The following POM121 variants were observed in gnomAD, a reference collection of about 807,000 sequenced individuals.
The protein encoded by POM121 is nuclear envelope pore membrane protein POM 121.
A neutral mutation model predicts 81.3 loss-of-function variants in POM121; 32 were observed. The observed-to-expected ratio is 0.39, with a 90% CI of 0.30 to 0.53. The LOEUF (loss-of-function observed/expected upper bound fraction) is 0.53, where lower values mean the gene tolerates loss of function less well. Among genes scored for constraint, POM121 ranks in the 20% least tolerant of loss-of-function variants. The pLI is 0.66. For missense variants in POM121, 1,138 were observed against 1,614.6 expected (o/e 0.70, Z 5.06); for synonymous variants, 514 against 694.2 (o/e 0.74, Z 4.08).
intron 1 of POM121, among the ~76,000 whole-genome samples, chr7:72,887,125 C>A (rs1485113529): frequency 6.6e-6 from 1 of 152,130 alleles, no homozygotes; most frequent in African/African-American, 2.4e-5. Context: ...TCTTTATATT[C>A]ACTAATCTCT....
chr7:72,928,405 G>A lies in POM121; in HGVS notation c.1043G>A (p.Ser348Asn). 1 of 1,614,250 alleles carries A rather than the reference G, an allele frequency of 6.2e-7. No individual in the cohort carries two copies. The change falls in exon 4 of 13, where the codon AGT becomes AAT. Residue 348 changes from serine (S) to asparagine (N), a missense_variant. Physicochemically the swap from Ser to Asn is conservative, Grantham distance 46. This residue lies in a region of POM121 where 646 missense variants were observed against 633.5 expected (regional missense o/e 1.02). Coordinates refer to ENST00000434423, the MANE Select transcript of POM121 (RefSeq NM_001387691.1). ...CGCAGGCGCCATGATAGCAGTGGCA[G>A]TGGACATTCAGCATTTGAGCCCCTG... ...NKRRRHDSSG[S>N]GHSAFEPLVA...
chr7:72,938,362 A>G (rs1216440032), intron 5 of POM121, among the ~76,000 whole-genome samples: 1 of 150,850 alleles, frequency 6.6e-6, no homozygotes, highest in Non-Finnish European at 1.5e-5. Flanking sequence ...CTGATTTTTC[A>G]GTTTTTTTGT....
intron 2 of POM121, 48 bp from the exon 3 acceptor site, chr7:72,926,754 C>T: frequency 6.2e-7 from 1 of 1,600,096 alleles, no homozygotes; most frequent in East Asian, 2.2e-5. Context: ...TGCTATATGG[C>T]ATGGGAATTA....
intron 1 of POM121, among the ~76,000 whole-genome samples, chr7:72,889,016 T>C (rs1791032431): frequency 6.6e-6 from 1 of 152,206 alleles, no homozygotes; most frequent in African/African-American, 2.4e-5. Flanking sequence ...TTGTCTGTTG[T>C]ATATTATGTT....
intron 1 of POM121, among the ~76,000 whole-genome samples, chr7:72,880,610 G>C (rs531085038): frequency 6.6e-6 from 1 of 151,992 alleles, no homozygotes; most frequent in Non-Finnish European, 1.5e-5. Flanking sequence ...AAATGCGGGC[G>C]GGATGCAGTG....
intron 5 of POM121, among the ~76,000 whole-genome samples, chr7:72,933,042 ACT>A (rs1796172844): frequency 6.9e-6 from 1 of 145,048 alleles, no homozygotes; most frequent in Admixed American, 7.1e-5. Flanking sequence ...ACAGAGTGAG[ACT>A]CTGTCTCAAA....
In POM121 at chr7:72,945,662, G is replaced by T; in HGVS notation, c.3606G>T (p.Gly1202=). The T allele has an allele frequency of 6.2e-7, 1 of 1,612,826 alleles. No homozygotes were observed. The highest frequency in any genetic ancestry group is 8.5e-7 in the Non-Finnish European group (1 of 1,179,338). ...VGTSGSSLSF[G]ASSAPAQGFV... ...CATCAGGCAGCAGCCTCTCCTTTGG[G>T]GCATCCTCAGCACCCGCCCAAGGCT... is the stretch of plus-strand genomic sequence containing the variant. Residue 1202 remains glycine (G), a synonymous_variant, in exon 12 of 13, where the codon GGG becomes GGT. Transcript: ENST00000434423.
upstream of POM121, chr7:72,925,051 C>T (rs1795219427): frequency 1.5e-6 from 2 of 1,350,432 alleles, no homozygotes; most frequent in African/African-American, 1.5e-5. Context: ...ACGTAGAGGG[C>T]GCGCGATGAC....
At chr7:72,920,644 G>C (rs1248610542), upstream of POM121, among the ~76,000 whole-genome samples, 1 of 150,204 alleles carries the variant, frequency 6.7e-6, no homozygotes, top group African/African-American at 2.4e-5. Context: ...GTGAGCCACC[G>C]TGCCCAGCCA....
chr7:72,923,388 G>A (rs1433753045), upstream of POM121, among the ~76,000 whole-genome samples: 2 of 152,004 alleles, frequency 1.3e-5, no homozygotes, highest in Admixed American at 1.3e-4. Flanking sequence ...CTCAGCTCCA[G>A]GAGCACTTCC....
rs1365869094 is a variant in POM121, at chr7:72,928,311, G to GAAA, written c.1023-73_1023-71dup. The stretch of plus-strand genomic sequence containing the variant: ...TCCATAGAGATAGTATAAGGTCCCA[G>GAAA]AAATATGAGAATACACTTTAAAGGG... On this transcript the variant is annotated intron_variant, in intron 3 of 12. Transcript: ENST00000434423. The GAAA allele has an allele frequency of 3.8e-6, 6 of 1,576,632 alleles. No homozygotes were observed. In the African/African-American group the frequency reaches 6.8e-5, roughly 18 times the overall value.
chr7:72,912,904 A>G (rs1184740995), intron 3 of POM121, among the ~76,000 whole-genome samples: 3 of 152,164 alleles, frequency 2.0e-5, no homozygotes, highest in African/African-American at 7.2e-5. Flanking sequence ...TCAGTGGTAC[A>G]TGCCTACAGC....
At chr7:72,883,100 C>T (rs1326275825) in intron 1 of POM121, among the ~76,000 whole-genome samples, 16 of 152,112 alleles carry the variant, frequency 1.1e-4, no homozygotes, top group African/African-American at 3.6e-4. Flanking sequence ...AATGTAGAGA[C>T]GTGATCACAA....
chr7:72,896,897 CTT>C (rs1792015982), intron 3 of POM121, among the ~76,000 whole-genome samples: 1 of 152,294 alleles, frequency 6.6e-6, no homozygotes, highest in Non-Finnish European at 1.5e-5. Context: ...TAATTATACA[CTT>C]TATTGCAGGA....
In POM121 at chr7:72,925,547, C is replaced by A; in HGVS notation, c.426C>A (p.Gly142=). 2 of 1,532,590 alleles carry A rather than the reference C, an allele frequency of 1.3e-6. No individual in the cohort carries two copies. Among genetic ancestry groups the A allele is most frequent in the Non-Finnish European group, 1.7e-6 (2 of 1,146,114 alleles). The allele number at this position is 1,532,590 out of a possible 1,614,324, so 94.9% of individuals were successfully genotyped here. ...AELLLMGSYL[G]KPGPPQPAAA... is the part of the protein sequence containing the mutation. ...TGCTACTCATGGGCAGTTACCTGGG[C>A]AAGCCCGGGCCGCCGCAGCCCGCCG... Residue 142 remains glycine, a synonymous_variant, in exon 1 of 13, where the codon GGC becomes GGA. Transcript: ENST00000434423.
rs1309207895 is a variant in POM121 at position 72,902,858 on chromosome 7, G to A, written c.-215-10907G>A. ...CTATGATATTTTCTATTTCTGTATC[G>A]ATGTTCTGCATTTTGTTGAGACATT... is the stretch of plus-strand genomic sequence containing the variant. On this transcript the variant is annotated intron_variant, in intron 3 of 15. Transcript: ENST00000395270. 9.2e-5 allele frequency among the ~76,000 whole-genome samples: 14 copies of A among 152,202 alleles called. No individual in the cohort carries two copies. In the East Asian group the frequency reaches 2.3e-3, roughly 25 times the overall value.
chr7:72,948,863 C>G (rs116864609), downstream of POM121: 52 of 1,595,432 alleles, frequency 3.3e-5, no homozygotes, highest in Middle Eastern at 1.7e-4. Flanking sequence ...CCCATCCCCC[C>G]CTCCACGACC....
intron 3 of POM121, among the ~76,000 whole-genome samples, chr7:72,906,209 A>G (rs536031011): frequency 6.6e-6 from 1 of 152,274 alleles, no homozygotes; most frequent in African/African-American, 2.4e-5. Context: ...TTGTCTCTTT[A>G]ATAAAATCTT....
At position 72,938,445 on chromosome 7, in the gene POM121, C is replaced by A. The variant is rs1444343853; in HGVS notation, c.1276-145C>A. The A allele has an allele frequency of 1.9e-5, 19 of 978,732 alleles. 1 individual carries two copies. In the South Asian group the frequency reaches 2.2e-4, roughly 11 times the overall value. 60.6% of individuals were successfully genotyped at this position (978,732 alleles called of 1,614,324 possible). ...GGCTCAAGCGATCCTCCCACCTTGGCCTCCCAGCATGCTGGGATTACAGGC... is the reference window on the plus strand; with the variant it reads ...GGCTCAAGCGATCCTCCCACCTTGGACTCCCAGCATGCTGGGATTACAGGC... On this transcript the variant is annotated intron_variant, in intron 5 of 12. Transcript: ENST00000434423.
Sources: allele counts gnomAD v4.1 joint callset (sites outside exome capture counted in the v4.1 genomes callset), GRCh38; gene constraint gnomAD v4.1.1; regional missense constraint gnomAD v4.1.1; transcripts MANE v1.5; gene names NCBI Gene and HGNC (gene_info 2026-07-23, HGNC 2026-07-21).